Variants in CDH18 observed in about 807,000 individuals in gnomAD.
The protein encoded by CDH18 is cadherin 18.
Under a neutral mutation model 67.9 loss-of-function variants are expected in CDH18, and 31 were observed. The ratio of observed to expected loss-of-function variants is 0.46; its 90% CI spans 0.34 to 0.62. The LOEUF (loss-of-function observed/expected upper bound fraction) is 0.62. Among genes scored for constraint, CDH18 ranks in the 20% least tolerant of loss-of-function variants. The pLI, the probability that CDH18 is intolerant of heterozygous loss-of-function variation, is 0.01. For synonymous variants in CDH18, 362 were observed against 347.2 expected (o/e 1.04, Z -0.48); for missense variants, 890 against 975.5 (o/e 0.91, Z 1.17).
At chr5:19,705,866 T>G (rs1698850117) in intron 5 of CDH18, among the ~76,000 whole-genome samples, 1 of 152,204 alleles carries the variant, frequency 6.6e-6, no homozygotes, top group South Asian at 2.1e-4. Context: ...GATAACCATT[T>G]TCCTAAAATG....
At chr5:20,572,185 T>G (rs139729845) in intron 1 of CDH18, among the ~76,000 whole-genome samples, 112 of 151,752 alleles carry the variant, frequency 7.4e-4, no homozygotes, top group South Asian at 3.5e-3. Flanking sequence ...AGTAAAACAT[T>G]CTTTTATCTT....
At chr5:19,741,020 C>T (rs960222464) in intron 4 of CDH18, among the ~76,000 whole-genome samples, 4 of 151,586 alleles carry the variant, frequency 2.6e-5, no homozygotes, top group Admixed American at 6.6e-5. Flanking sequence ...TACATTTGCC[C>T]GCAATAATGT....
At chr5:20,397,132 T>C (rs921343769) in intron 1 of CDH18, among the ~76,000 whole-genome samples, 1 of 152,074 alleles carries the variant, frequency 6.6e-6, no homozygotes, top group African/African-American at 2.4e-5. Flanking sequence ...TTGTTTTTTG[T>C]GGTGTTTGTT....
At chr5:19,478,596 T>C (rs545520390) in intron 12 of CDH18, 1 of 152,296 alleles carries the variant, frequency 6.6e-6, no homozygotes, top group East Asian at 1.9e-4. Context: ...GAAATTTATA[T>C]CCAATATTAG....
At chr5:19,965,724 A>C (rs752594575) in intron 2 of CDH18, among the ~76,000 whole-genome samples, 29 of 152,200 alleles carry the variant, frequency 1.9e-4, no homozygotes, top group Admixed American at 1.9e-3. Flanking sequence ...TTTAAGGAGG[A>C]AGGAGGAAGA....
rs535146554 is a variant in CDH18 at position 19,486,535 on chromosome 5, T to C, written c.1631-2983A>G. Among the ~76,000 whole-genome samples the C allele has an allele frequency of 5.3e-5, 8 of 152,286 alleles. No individual in the cohort carries two copies. The South Asian group carries it at 1.2e-3, about 24-fold the overall frequency. ...GGCCAGGCGCAGTGGATCACACCTG[T>C]AATCCCAACGCTTTGGGAGGCCAAG... On this transcript the variant is annotated intron_variant, in intron 11 of 12. Coordinates refer to ENST00000382275, the MANE Select transcript of CDH18 (RefSeq NM_004934.5).
chr5:20,572,658 C>A (rs946373896), intron 1 of CDH18, among the ~76,000 whole-genome samples: 10 of 152,048 alleles, frequency 6.6e-5, no homozygotes, highest in African/African-American at 2.4e-4. Flanking sequence ...TTCAAGAAAG[C>A]TCTATAACCT....
chr5:19,893,013 C>T (rs1271507744), intron 2 of CDH18, among the ~76,000 whole-genome samples: 15 of 152,058 alleles, frequency 9.9e-5, no homozygotes, highest in Admixed American at 4.6e-4. Context: ...ACCTAATTCC[C>T]AATGTGATAG....
intron 2 of CDH18, among the ~76,000 whole-genome samples, chr5:20,082,444 C>G (rs1448072689): frequency 6.6e-6 from 1 of 152,114 alleles, no homozygotes; most frequent in African/African-American, 2.4e-5. Flanking sequence ...TTCTAATGTA[C>G]TATTTTTTTC....
intron 3 of CDH18, among the ~76,000 whole-genome samples, chr5:19,823,023 T>A (rs1342120317): frequency 6.6e-6 from 1 of 152,186 alleles, no homozygotes; most frequent in Non-Finnish European, 1.5e-5. Flanking sequence ...AAGAATTCAG[T>A]GATATTTCTC....
intron 2 of CDH18, among the ~76,000 whole-genome samples, chr5:20,113,505 G>C (rs1263721303): frequency 6.6e-6 from 1 of 152,140 alleles, no homozygotes; most frequent in Non-Finnish European, 1.5e-5. Flanking sequence ...CAAGCCAAGA[G>C]TCTGATTTCA....
chr5:19,550,993 A>G (rs1737336055), intron 8 of CDH18, among the ~76,000 whole-genome samples: 1 of 152,184 alleles, frequency 6.6e-6, no homozygotes, highest in Admixed American at 6.6e-5. Context: ...AAACTGTAAG[A>G]CCTAGTATAG....
chr5:20,239,936 T>C (rs905391438), intron 2 of CDH18, among the ~76,000 whole-genome samples: 5 of 152,018 alleles, frequency 3.3e-5, no homozygotes, highest in Non-Finnish European at 7.4e-5. Context: ...GAATATAGAC[T>C]TCCGAAAAGG....
chr5:19,742,855 C>T (rs1299073231), intron 4 of CDH18, among the ~76,000 whole-genome samples: 1 of 151,984 alleles, frequency 6.6e-6, no homozygotes. Flanking sequence ...TTTTATCAGG[C>T]CCCATACGTT....
intron 1 of CDH18, among the ~76,000 whole-genome samples, chr5:20,523,197 T>C (rs569841490): frequency 2.6e-5 from 4 of 152,324 alleles, no homozygotes; most frequent in Admixed American, 6.5e-5. Flanking sequence ...TTTTTACTAA[T>C]GCTAGGAAAA....
intron 10 of CDH18, among the ~76,000 whole-genome samples, chr5:19,514,969 TA>T (rs1745737776): frequency 6.6e-6 from 1 of 152,346 alleles, no homozygotes; most frequent in South Asian, 2.1e-4. Context: ...CTAGGGTTTT[TA>T]TGGTTTTAGG....
At chr5:19,721,494 T>G in intron 4 of CDH18, 28 bp from the exon 5 acceptor site, 1 of 1,596,144 alleles carries the variant, frequency 6.3e-7, no homozygotes, top group Non-Finnish European at 8.6e-7. Context: ...CAAATTTTAG[T>G]GTGTGATGGC....
intron 2 of CDH18, among the ~76,000 whole-genome samples, chr5:19,980,116 T>C (rs1798888732): frequency 6.6e-6 from 1 of 152,124 alleles, no homozygotes; most frequent in Non-Finnish European, 1.5e-5. Context: ...AAGTTCCAGA[T>C]ACAAAATTAA....
Position 19,839,247 on chromosome 5 carries a change from T to C in CDH18, c.-256-5A>G, listed in dbSNP as rs1006954684. The C allele has an allele frequency of 2.3e-6, 1 of 426,130 alleles. No homozygotes were observed. Among genetic ancestry groups the C allele is most frequent in the South Asian group, 3.4e-5 (1 of 29,532 alleles). 26.4% of individuals were successfully genotyped at this position (426,130 alleles called of 1,614,324 possible). A position where few individuals can be genotyped will look rare whatever the true frequency, so the allele number is the denominator to read the frequency against. On this transcript the variant is annotated splice_region_variant and splice_polypyrimidine_tract_variant and intron_variant, in intron 2 of 12. Transcript: ENST00000382275. The stretch of plus-strand genomic sequence containing the variant: ...ACACAAGCAACCATTTTCAACCTAA[T>C]GGAAAGAGAAAATTATATGTGTTAC...
Sources: allele counts gnomAD v4.1 joint callset (sites outside exome capture counted in the v4.1 genomes callset), GRCh38; gene constraint gnomAD v4.1.1; transcripts MANE v1.5; gene names NCBI Gene and HGNC (gene_info 2026-07-23, HGNC 2026-07-21).